Variants in TMC6 observed in about 807,000 individuals in gnomAD.
The protein encoded by TMC6 is transmembrane channel-like protein 6.
In TMC6, 71 loss-of-function variants were observed where a neutral mutation model predicts 95.4. The observed-to-expected ratio is 0.74, with a 90% CI of 0.61 to 0.91. The LOEUF (loss-of-function observed/expected upper bound fraction) is 0.91, where lower values mean the gene tolerates loss of function less well. Among genes scored for constraint, TMC6 ranks in the 40% least tolerant of loss-of-function variants. The pLI, the probability that TMC6 is intolerant of heterozygous loss-of-function variation, is 0.00. For missense variants in TMC6, 1,074 were observed against 1,079.1 expected (o/e 1.00, Z 0.07); for synonymous variants, 514 against 483.1 (o/e 1.06, Z -0.84).
chr17:78,121,651 G>GCCGCAGCCTC lies in TMC6; in HGVS notation c.1278_1287dup (p.Gln430GlufsTer74). 6.2e-7 allele frequency: 1 copy of GCCGCAGCCTC among 1,606,406 alleles called. No homozygotes were observed. The highest frequency in any genetic ancestry group is 8.5e-7 in the Non-Finnish European group (1 of 1,178,024). On this transcript the variant is annotated frameshift_variant, in exon 11 of 20. Transcript: ENST00000590602. LOFTEE classifies it high-confidence loss of function. The surrounding 1 kb of genome is among the most constrained non-coding windows in gnomAD (Gnocchi z 5.6). ...CACACAAGCCCCAGCACAGCCGCCTGCCGCAGCCTCCCGCACACGCTCCTG... is the reference window on the plus strand; with the variant it reads ...CACACAAGCCCCAGCACAGCCGCCTGCCGCAGCCTCCCGCAGCCTCCCGCACACGCTCCTG...
chr17:78,119,023 A>G lies in TMC6; in HGVS notation c.1835T>C (p.Leu612Pro). The G allele has an allele frequency of 6.2e-7, 1 of 1,601,490 alleles. No individual in the cohort carries two copies. Among genetic ancestry groups the G allele is most frequent in the Non-Finnish European group, 8.5e-7 (1 of 1,174,566 alleles). Reference sequence around the variant, plus strand: ...CTTGATGATCTGCACGGCGGGGAGGAGGGGCGAGAAGAGCACCCCCAGCCT... The same window carrying G: ...CTTGATGATCTGCACGGCGGGGAGGGGGGGCGAGAAGAGCACCCCCAGCCT... ...LTWLGVLFSP[L>P]LPAVQIIKLL... Residue 612 changes from leucine to proline, a missense_variant, in exon 15 of 20, where the codon CTC becomes CCC. By Grantham distance (98) the Leu-to-Pro change is moderately conservative. Coordinates refer to ENST00000590602, the MANE Select transcript of TMC6 (RefSeq NM_001127198.5).
chr17:78,118,019 C>T (rs980975504), intron 15 of TMC6, 84 bp from the exon 16 acceptor site: 44 of 1,546,732 alleles, frequency 2.8e-5, no homozygotes, highest in South Asian at 3.6e-5. Flanking sequence ...GAGGGAAGGG[C>T]GACCAGGGCT....
Position 78,113,164 on chromosome 17 carries a change from T to C in TMC6, c.2402A>G (p.Asp801Gly). The change falls in exon 20 of 20, where the codon GAT becomes GGT. Residue 801 changes from aspartate to glycine, a missense_variant. Physicochemically the swap from Asp to Gly is moderately conservative, Grantham distance 94. Transcript: ENST00000590602. ...GCCGTCCCCCTAGGCATCCTGTTCATCTGTGAGCAGGGCAGGGGGTGCCGC... is the reference window on the plus strand; with the variant it reads ...GCCGTCCCCCTAGGCATCCTGTTCACCTGTGAGCAGGGCAGGGGGTGCCGC... ...EAAAPPALLT[D>G]EQDA is the part of the protein sequence containing the mutation. 1 of 1,557,158 alleles carries C rather than the reference T, an allele frequency of 6.4e-7. No homozygotes were observed.
In TMC6 at chr17:78,108,963, G is replaced by A. The variant is rs1394516295; in HGVS notation, c.*4185C>T. 1 of 160,936 alleles carries A rather than the reference G, an allele frequency of 6.2e-6. No individual in the cohort carries two copies. Among genetic ancestry groups the A allele is most frequent in the Non-Finnish European group, 1.4e-5 (1 of 72,670 alleles). 10.0% of individuals were successfully genotyped at this position (160,936 alleles called of 1,614,324 possible). On this transcript the variant is annotated 3_prime_UTR_variant, in exon 20 of 20. Transcript: ENST00000590602. ...AAGCTCCAGCGATCTTCCGACCTCA[G>A]CCTCCCAAGTAGCTGGGACCACAGG...
chr17:78,122,836 C>T lies in TMC6; in HGVS notation c.1083-87G>A, dbSNP rs2074485143. 6.5e-7 allele frequency: 1 copy of T among 1,537,284 alleles called. No homozygotes were observed. The highest frequency in any genetic ancestry group is 8.7e-7 in the Non-Finnish European group (1 of 1,145,996). ...AAGGCAGACCGGATGCTCTGGGCAG[C>T]CAGACCCCACCACCCACTCAGGAGC... On this transcript the variant is annotated intron_variant, in intron 9 of 19. Coordinates refer to ENST00000590602, the MANE Select transcript of TMC6 (RefSeq NM_001127198.5). This position sits in a 1 kb window ranked among gnomAD's most constrained non-coding sequence, Gnocchi z 4.9.
At chr17:78,113,924 G>T (rs896528205) in intron 18 of TMC6, 3 of 437,838 alleles carry the variant, frequency 6.9e-6, no homozygotes, top group Non-Finnish European at 1.3e-5. Context: ...TACTGGCTCT[G>T]CCTTGGGTTA....
chr17:78,120,813 C>T lies in TMC6; in HGVS notation c.1555G>A (p.Ala519Thr), dbSNP rs1363866341. 4 of 1,612,812 alleles carry T rather than the reference C, an allele frequency of 2.5e-6. No individual in the cohort carries two copies. Among genetic ancestry groups the T allele is most frequent in the Middle Eastern group, 1.6e-4 (1 of 6,062 alleles). Residue 519 changes from alanine (A) to threonine (T), a missense_variant, in exon 13 of 20, where the codon GCC becomes ACC. By Grantham distance (58) the Ala-to-Thr change is moderately conservative. Transcript: ENST00000590602. ...TGGTAGCACAGTGTCCCCAGGATGG[C>T]CAGCTTGAGGATGAGGTTCCTGCGG... ...AICRNLILKL[A>T]ILGTLCYHWL...
At chr17:78,119,120 C>T (rs1179329821) in intron 14 of TMC6, 74 bp from the exon 15 acceptor site, 36 of 1,521,888 alleles carry the variant, frequency 2.4e-5, no homozygotes, top group Admixed American at 7.7e-5. Flanking sequence ...TTCCAGACCA[C>T]GGGCAGGGCA....
chr17:78,127,008 C>A, intron 1 of TMC6, 102 bp from the exon 2 acceptor site: 2 of 725,836 alleles, frequency 2.8e-6, no homozygotes, highest in Non-Finnish European at 4.8e-6. Context: ...ACTCACAGCC[C>A]AGACAGTCCC....
Position 78,125,864 on chromosome 17 carries a change from T to A in TMC6, c.292A>T (p.Ile98Phe), listed in dbSNP as rs1350695036. 6.4e-7 allele frequency: 1 copy of A among 1,551,208 alleles called. No individual in the cohort carries two copies. Among genetic ancestry groups the A allele is most frequent in the Non-Finnish European group, 8.7e-7 (1 of 1,147,232 alleles). The change falls in exon 5 of 20, where the codon ATC becomes TTC. Residue 98 changes from isoleucine to phenylalanine, a missense_variant. Transcript: ENST00000590602. ...ACCGTGCGGTTGTAGTACTGGGAGA[T>A]GATGGCACCTCGGCTGCGGCCTATG... ...RTIGRSRGAIISQYYNRTVQL... is the reference protein window; with the variant it reads ...RTIGRSRGAIFSQYYNRTVQL...
In TMC6 at chr17:78,124,526, C is replaced by T. The variant is rs750652637; in HGVS notation, c.889G>A (p.Ala297Thr). The T allele has an allele frequency of 2.0e-5, 32 of 1,610,246 alleles. No homozygotes were observed. Among genetic ancestry groups the T allele is most frequent in the African/African-American group, 1.7e-4 (13 of 74,908 alleles). ...VCTGLELLTGAGCFTHTVMYY... is the reference protein window; with the variant it reads ...VCTGLELLTGTGCFTHTVMYY... ...CCCCAGTCCTAGGGCTTCCTCACCG[C>T]GCCTGTGAGGAGCTCCAGGCCTGTG... The change falls in exon 8 of 20, where the codon GCG becomes ACG. Residue 297 changes from alanine to threonine, a missense_variant and splice_region_variant. Coordinates refer to ENST00000590602, the MANE Select transcript of TMC6 (RefSeq NM_001127198.5).
Position 78,125,003 on chromosome 17 carries a change from C to T in TMC6, c.537-18G>A. The T allele has an allele frequency of 6.4e-7, 1 of 1,571,572 alleles. No homozygotes were observed. The highest frequency in any genetic ancestry group is 8.6e-7 in the Non-Finnish European group (1 of 1,161,878). On this transcript the variant is annotated intron_variant, in intron 6 of 19. Coordinates refer to ENST00000590602, the MANE Select transcript of TMC6 (RefSeq NM_001127198.5). ...TCTTCTCTCTGGGGACAGAGGCAGC[C>T]ATAGGTGCCTGGACCAATGAGGGGC... is the stretch of plus-strand genomic sequence containing the variant.
chr17:78,118,810 G>A lies in TMC6; in HGVS notation c.1887+161C>T, dbSNP rs1400220782. On this transcript the variant is annotated intron_variant, in intron 15 of 19. Transcript: ENST00000590602. ...ACAGTGATGCCAAGAGGGGTCAGCC[G>A]TCCCTTGGGCGGAGGGACAGGCCAG... Among the ~76,000 whole-genome samples, 5 of 152,308 alleles carry A rather than the reference G, an allele frequency of 3.3e-5. No individual in the cohort carries two copies. The East Asian group carries it at 5.8e-4, about 18-fold the overall frequency.
chr17:78,124,704 G>T lies in TMC6; in HGVS notation c.711C>A (p.Ile237=). ...LMPWRYALKR[I]GGQFGSSVLS... Reference sequence around the variant, plus strand: ...GCACGCTGGAGCCGAACTGGCCCCCGATGCGCTTCAGGGCGTAGCGCCACG... The same window carrying T: ...GCACGCTGGAGCCGAACTGGCCCCCTATGCGCTTCAGGGCGTAGCGCCACG... The change falls in exon 8 of 20, where the codon ATC becomes ATA. Residue 237 remains isoleucine (I), a synonymous_variant. Transcript: ENST00000590602. The T allele has an allele frequency of 6.3e-7, 1 of 1,598,826 alleles. No homozygotes were observed. The highest frequency in any genetic ancestry group is 2.3e-5 in the East Asian group (1 of 44,176).
chr17:78,117,412 G>T, intron 17 of TMC6, 56 bp downstream of exon 17: 2 of 1,611,746 alleles, frequency 1.2e-6, no homozygotes, highest in Non-Finnish European at 1.7e-6. Context: ...GTCCCCACAC[G>T]GTGCAGGCCC....
chr17:78,124,879 G>A lies in TMC6; in HGVS notation c.633+10C>T. 1 of 1,594,784 alleles carries A rather than the reference G, an allele frequency of 6.3e-7. No individual in the cohort carries two copies. Among genetic ancestry groups the A allele is most frequent in the Non-Finnish European group, 8.5e-7 (1 of 1,172,052 alleles). On this transcript the variant is annotated intron_variant, in intron 7 of 19. Coordinates refer to ENST00000590602, the MANE Select transcript of TMC6 (RefSeq NM_001127198.5). The stretch of plus-strand genomic sequence containing the variant: ...CCGCCCCAGCCCCAGGGCAGACCAG[G>A]GGCCCATACCAGCACGCAGGCATAT...
chr17:78,120,182 C>T (rs570769825), intron 13 of TMC6: 56 of 198,722 alleles, frequency 2.8e-4, no homozygotes, highest in African/African-American at 1.7e-3. Context: ...TTTTTGGCAA[C>T]ACAGTCTTGC....
chr17:78,131,439 C>CCCGACG, upstream of TMC6: 1 of 1,142,708 alleles, frequency 8.8e-7, no homozygotes, highest in Non-Finnish European at 1.3e-6. Context: ...GAGCCCAGGC[C>CCCGACG]CCGACGCCGG....
At position 78,126,270 on chromosome 17, in the gene TMC6, C is replaced by T. The variant is rs371112328; in HGVS notation, c.271+7G>A. The T allele has an allele frequency of 1.4e-4, 218 of 1,554,114 alleles. 1 individual carries two copies. The Middle Eastern group carries it at 2.0e-3, about 14-fold the overall frequency. ...GGGCCGAGGCCGAGGCTGAGGGTCC[C>T]ACTCACCAATGGTGCGGCTGGGCAT... On this transcript the variant is annotated splice_region_variant and intron_variant, in intron 4 of 19. Transcript: ENST00000590602.
Sources: allele counts gnomAD v4.1 joint callset (sites outside exome capture counted in the v4.1 genomes callset), GRCh38; gene constraint gnomAD v4.1.1; non-coding constraint Gnocchi (gnomAD v3.1); transcripts MANE v1.5; gene names NCBI Gene and HGNC (gene_info 2026-07-23, HGNC 2026-07-21).